PLS1: variants seen among roughly 807,000 people sequenced by gnomAD.
PLS1 encodes the protein plastin 1, also known as plastin-1.
In PLS1, 32 loss-of-function variants were observed where a neutral mutation model predicts 73.7. The ratio of observed to expected loss-of-function variants is 0.43; its 90% CI spans 0.33 to 0.58. The LOEUF is 0.58. PLS1 is among the 20% of genes least tolerant of loss of function. The pLI is 0.04. For missense variants in PLS1, 633 were observed against 740.5 expected (o/e 0.85, Z 1.68); for synonymous variants, 217 against 261.3 (o/e 0.83, Z 1.63).
intron 1 of PLS1, among the ~76,000 whole-genome samples, chr3:142,607,198 T>C (rs764177929): frequency 2.6e-5 from 4 of 152,196 alleles, no homozygotes; most frequent in South Asian, 2.1e-4. Flanking sequence ...TTAGAACTGT[T>C]TCAAATTTAC....
chr3:142,684,914 A>G (rs1371342294), intron 8 of PLS1, among the ~76,000 whole-genome samples: 1 of 152,214 alleles, frequency 6.6e-6, no homozygotes, highest in African/African-American at 2.4e-5. Context: ...AAACTATAAC[A>G]GGCATTTTTG....
intron 1 of PLS1, among the ~76,000 whole-genome samples, chr3:142,622,307 G>A (rs898103110): frequency 7.2e-5 from 11 of 152,072 alleles, no homozygotes; most frequent in Admixed American, 3.3e-4. Context: ...GTGGACAGCC[G>A]GCAGTGTTTT....
rs1933237328 is a variant in PLS1, at chr3:142,713,639, T to A, written c.*1632T>A. On this transcript the variant is annotated 3_prime_UTR_variant, in exon 16 of 16. Coordinates refer to ENST00000457734, the MANE Select transcript of PLS1 (RefSeq NM_001145319.2). ...TGTTCTTTTTCTCACAGAGTATATT[T>A]AATAAAAATGCTGTGTATATAGAAA... The A allele has an allele frequency of 2.0e-5, 3 of 152,590 alleles. No individual in the cohort carries two copies. In the South Asian group the frequency reaches 6.2e-4, roughly 32 times the overall value. The allele number at this position is 152,590 out of a possible 1,614,324, so 9.5% of individuals were successfully genotyped here.
At chr3:142,639,876 A>G (rs578020757) in intron 1 of PLS1, among the ~76,000 whole-genome samples, 2 of 152,228 alleles carry the variant, frequency 1.3e-5, no homozygotes, top group African/African-American at 4.8e-5. Context: ...TGTTTGACAT[A>G]GTGTTAAACA....
At chr3:142,705,575 T>A (rs1213624760) in intron 14 of PLS1, among the ~76,000 whole-genome samples, 1 of 152,254 alleles carries the variant, frequency 6.6e-6, no homozygotes, top group African/African-American at 2.4e-5. Context: ...GTGTTTGTGA[T>A]TTTATTATGT....
intron 8 of PLS1, among the ~76,000 whole-genome samples, chr3:142,685,935 C>G (rs1040903029): frequency 6.6e-6 from 1 of 152,138 alleles, no homozygotes; most frequent in Non-Finnish European, 1.5e-5. Context: ...AAGAGGGGTT[C>G]TTAGTTCATC....
intron 2 of PLS1, 137 bp from the exon 3 acceptor site, chr3:142,669,253 A>G (rs1305470037): frequency 3.6e-6 from 2 of 550,054 alleles, no homozygotes; most frequent in Non-Finnish European, 6.4e-6. Context: ...GTTCAGGTAC[A>G]GGAAAAAAGG....
intron 2 of PLS1, among the ~76,000 whole-genome samples, chr3:142,664,526 C>A (rs187467555): frequency 6.6e-6 from 1 of 152,194 alleles, no homozygotes; most frequent in Non-Finnish European, 1.5e-5. Flanking sequence ...TTGATCATTT[C>A]TTTGCAGAGA....
intron 6 of PLS1, among the ~76,000 whole-genome samples, chr3:142,683,358 G>T (rs993283974): frequency 4.6e-5 from 7 of 152,204 alleles, no homozygotes; most frequent in Admixed American, 3.9e-4. Flanking sequence ...CGAAAAACTG[G>T]CCGGGCGTGG....
At chr3:142,681,440 A>G (rs947766962) in intron 6 of PLS1, among the ~76,000 whole-genome samples, 1 of 152,196 alleles carries the variant, frequency 6.6e-6, no homozygotes, top group African/African-American at 2.4e-5. Flanking sequence ...GTGATATGCA[A>G]CATTATTGAC....
At chr3:142,610,504 G>A (rs2036101844) in intron 1 of PLS1, among the ~76,000 whole-genome samples, 1 of 152,042 alleles carries the variant, frequency 6.6e-6, no homozygotes, top group Non-Finnish European at 1.5e-5. Flanking sequence ...TAAGCTTAAG[G>A]TGAACTAAGC....
At chr3:142,661,510 C>T (rs775231023) in intron 1 of PLS1, among the ~76,000 whole-genome samples, 2 of 152,094 alleles carry the variant, frequency 1.3e-5, no homozygotes, top group Non-Finnish European at 1.5e-5. Flanking sequence ...AATTTGTGTA[C>T]AGATCACAAA....
At chr3:142,655,454 C>T (rs2037205352) in intron 1 of PLS1, among the ~76,000 whole-genome samples, 1 of 152,110 alleles carries the variant, frequency 6.6e-6, no homozygotes, top group African/African-American at 2.4e-5. Flanking sequence ...GGCACCGTGG[C>T]TCATGCCTGT....
intron 1 of PLS1, among the ~76,000 whole-genome samples, chr3:142,641,160 A>G (rs980239529): frequency 7.2e-6 from 1 of 139,536 alleles, no homozygotes; most frequent in Admixed American, 7.1e-5. Flanking sequence ...CAGAGTGATT[A>G]TATATATATA....
chr3:142,667,959 G>T (rs2037513879), intron 2 of PLS1, among the ~76,000 whole-genome samples: 1 of 152,184 alleles, frequency 6.6e-6, no homozygotes, highest in Non-Finnish European at 1.5e-5. Flanking sequence ...TTCTAGTTTA[G>T]AAATATTCTA....
chr3:142,674,890 T>A (rs2037687703), intron 4 of PLS1, among the ~76,000 whole-genome samples: 1 of 152,004 alleles, frequency 6.6e-6, no homozygotes, highest in Admixed American at 6.5e-5. Context: ...CCACCACACC[T>A]GGCTAATTTT....
At chr3:142,625,673 G>T (rs1427734234) in intron 1 of PLS1, among the ~76,000 whole-genome samples, 3 of 151,998 alleles carry the variant, frequency 2.0e-5, no homozygotes, top group African/African-American at 7.3e-5. Flanking sequence ...ATATACTAGG[G>T]TATATATGAA....
rs1686289585 is a variant in PLS1, at chr3:142,626,325, T to G, written c.-37+29816T>G. Among the ~76,000 whole-genome samples, 4 of 152,312 alleles carry G rather than the reference T, an allele frequency of 2.6e-5. No individual in the cohort carries two copies. The South Asian group carries it at 8.3e-4, about 32-fold the overall frequency. On this transcript the variant is annotated intron_variant, in intron 1 of 15. Coordinates refer to ENST00000457734, the MANE Select transcript of PLS1 (RefSeq NM_001145319.2). ...TAGGGAGGATGGAGGGGCAGGAGTC[T>G]AGAGCAAACTCCCTCGCTGCTGCTG...
chr3:142,631,959 A>G (rs1577804446), intron 1 of PLS1, among the ~76,000 whole-genome samples: 1 of 152,352 alleles, frequency 6.6e-6, no homozygotes, highest in Non-Finnish European at 1.5e-5. Flanking sequence ...AGATATTAGT[A>G]AATCATATGA....
Sources: allele counts gnomAD v4.1 joint callset (sites outside exome capture counted in the v4.1 genomes callset), GRCh38; gene constraint gnomAD v4.1.1; transcripts MANE v1.5; gene names NCBI Gene and HGNC (gene_info 2026-07-23, HGNC 2026-07-21).